TMCO1: variants seen among roughly 807,000 people sequenced by gnomAD.
The protein encoded by TMCO1 is transmembrane and coiled-coil domains 1, also known as calcium load-activated calcium channel.
A neutral mutation model predicts 29.3 loss-of-function variants in TMCO1; 29 were observed. The ratio of observed to expected loss-of-function variants is 0.99; its 90% CI spans 0.74 to 1.35. TMCO1 has a LOEUF of 1.35. Among genes scored for constraint, TMCO1 ranks in the 40% most tolerant of loss-of-function variants. The pLI, the probability that TMCO1 is intolerant of heterozygous loss-of-function variation, is 0.00. For missense variants in TMCO1, 173 were observed against 225.5 expected (o/e 0.77, Z 1.49); for synonymous variants, 80 against 77.1 (o/e 1.04, Z -0.20).
intron 6 of TMCO1, among the ~76,000 whole-genome samples, chr1:165,729,660 T>C (rs1651065475): frequency 6.6e-6 from 1 of 152,194 alleles, no homozygotes; most frequent in Non-Finnish European, 1.5e-5. Context: ...TTAGAGATCC[T>C]GATTATTCTT....
intron 1 of TMCO1, 133 bp from the exon 2 acceptor site, chr1:165,768,402 G>A: frequency 1.5e-5 from 22 of 1,495,284 alleles, no homozygotes; most frequent in Non-Finnish European, 1.8e-5. Context: ...TTTTTCAAAG[G>A]CTAATACAAC....
chr1:165,767,474 C>T (rs182146740), intron 2 of TMCO1, among the ~76,000 whole-genome samples: 10 of 152,316 alleles, frequency 6.6e-5, no homozygotes, highest in Admixed American at 3.9e-4. Context: ...GAAGACACCA[C>T]TTACCTTGAC....
chr1:165,766,448 A>C (rs571128803), intron 2 of TMCO1, among the ~76,000 whole-genome samples: 2 of 152,210 alleles, frequency 1.3e-5, no homozygotes, highest in Non-Finnish European at 2.9e-5. Context: ...GTCACTCCCA[A>C]CAACGGGAGG....
chr1:165,747,135 C>T (rs1307397624), intron 5 of TMCO1, among the ~76,000 whole-genome samples: 1 of 151,968 alleles, frequency 6.6e-6, no homozygotes, highest in Admixed American at 6.6e-5. Context: ...GTGATGCCTG[C>T]CTGTAATCCC....
intron 6 of TMCO1, among the ~76,000 whole-genome samples, chr1:165,734,591 C>T (rs1571211685): frequency 6.6e-6 from 1 of 152,128 alleles, no homozygotes; most frequent in Non-Finnish European, 1.5e-5. Context: ...GCAACCTCCA[C>T]CACCTCCTGA....
At chr1:165,746,594 T>C (rs1252223966) in intron 5 of TMCO1, among the ~76,000 whole-genome samples, 3 of 152,124 alleles carry the variant, frequency 2.0e-5, no homozygotes, top group South Asian at 4.1e-4. Context: ...GTGCTTATTA[T>C]ATTATTAACT....
chr1:165,761,575 A>G (rs1652406587), intron 2 of TMCO1, among the ~76,000 whole-genome samples: 1 of 151,962 alleles, frequency 6.6e-6, no homozygotes, highest in African/African-American at 2.4e-5. Context: ...GGAAAGAGAG[A>G]GAGAAAGATT....
chr1:165,760,946 A>T (rs1652377941), intron 2 of TMCO1, among the ~76,000 whole-genome samples: 1 of 152,198 alleles, frequency 6.6e-6, no homozygotes, highest in Non-Finnish European at 1.5e-5. Flanking sequence ...ATATTATCTT[A>T]GTATACTAAT....
Position 165,768,734 on chromosome 1 carries a change from C to G in TMCO1, c.18G>C (p.Ala6=), listed in dbSNP as rs1313492167. 1.2e-6 allele frequency: 2 copies of G among 1,614,140 alleles called. No individual in the cohort carries two copies. The highest frequency in any genetic ancestry group is 2.7e-5 in the African/African-American group (2 of 75,012). ...AGATAAAAACGATGAGGAGAGTGTC[C>G]GCGAACATAGTGCTCATCTCGCACC... MSTMF[A]DTLLIVFISV... The change falls in exon 1 of 7, where the codon GCG becomes GCC. Residue 6 remains alanine (A), a synonymous_variant. Coordinates refer to ENST00000367881, the MANE Select transcript of TMCO1 (RefSeq NM_019026.6).
chr1:165,768,901 G>T (rs745928907), upstream of TMCO1: 6 of 1,545,626 alleles, frequency 3.9e-6, no homozygotes, highest in Non-Finnish European at 4.4e-6. Flanking sequence ...CGCTTCCGGG[G>T]CATAGCACCG....
At chr1:165,746,941 T>A (rs953753591) in intron 5 of TMCO1, among the ~76,000 whole-genome samples, 2 of 152,090 alleles carry the variant, frequency 1.3e-5, no homozygotes, top group African/African-American at 4.8e-5. Flanking sequence ...TTCAGGAAGA[T>A]GTCCAATTAG....
chr1:165,732,193 T>TTA (rs1362331730), intron 6 of TMCO1, among the ~76,000 whole-genome samples: 1 of 152,046 alleles, frequency 6.6e-6, no homozygotes, highest in Non-Finnish European at 1.5e-5. Flanking sequence ...TCTACACACT[T>TTA]TAAAGTTTGC....
chr1:165,746,453 T>TCACACA (rs59467463), intron 5 of TMCO1, among the ~76,000 whole-genome samples: 10,581 of 132,284 alleles, frequency 0.08, 493 homozygotes, highest in African/African-American at 0.11. Context: ...AAGACCTATA[T>TCACACA]CACACACACA....
intron 3 of TMCO1, among the ~76,000 whole-genome samples, chr1:165,757,099 G>A (rs893987850): frequency 9.2e-5 from 14 of 152,072 alleles, no homozygotes; most frequent in African/African-American, 2.9e-4. Context: ...CACAGTGTCC[G>A]TAAGATAAAA....
At chr1:165,736,798 A>G (rs545827268) in intron 6 of TMCO1, among the ~76,000 whole-genome samples, 1 of 152,220 alleles carries the variant, frequency 6.6e-6, no homozygotes, top group African/African-American at 2.4e-5. Flanking sequence ...ATTAGCACAC[A>G]AGGTTTTTTT....
intron 6 of TMCO1, 34 bp from the exon 7 acceptor site, chr1:165,728,155 A>G (rs1414295310): frequency 6.5e-7 from 1 of 1,529,330 alleles, no homozygotes; most frequent in Admixed American, 1.7e-5. Context: ...TTGGGTTTTA[A>G]TATCAAATAT....
At position 165,727,683 on chromosome 1, in the gene TMCO1, G is replaced by T. The variant is rs1329335896; in HGVS notation, c.*340C>A. The T allele has an allele frequency of 4.4e-6, 2 of 454,136 alleles. No homozygotes were observed. The highest frequency in any genetic ancestry group is 4.7e-5 in the Admixed American group (2 of 42,470). The allele number at this position is 454,136 out of a possible 1,614,324, so 28.1% of individuals were successfully genotyped here. A position where few individuals can be genotyped will look rare whatever the true frequency, so the allele number is the denominator to read the frequency against. ...CTAAATCTCTAAATGCTCATAGACA[G>T]CCAACTTGCAGGGCATACACAGTGC... is the stretch of plus-strand genomic sequence containing the variant. On this transcript the variant is annotated 3_prime_UTR_variant, in exon 7 of 7. Coordinates refer to ENST00000367881, the MANE Select transcript of TMCO1 (RefSeq NM_019026.6).
At chr1:165,725,024 C>CTCTATATATA (rs1415499190), downstream of TMCO1, 1 of 90,746 alleles carries the variant, frequency 1.1e-5, no homozygotes, top group African/African-American at 6.6e-5. Flanking sequence ...CTCTCTCTCT[C>CTCTATATATA]TATATATATA....
At chr1:165,729,790 C>T (rs73020514) in intron 6 of TMCO1, among the ~76,000 whole-genome samples, 2,018 of 152,222 alleles carry the variant, frequency 0.013, 51 homozygotes, top group African/African-American at 0.047. Flanking sequence ...TGTTGTGTTT[C>T]GACCCTTAAT....
Sources: allele counts gnomAD v4.1 joint callset (sites outside exome capture counted in the v4.1 genomes callset), GRCh38; gene constraint gnomAD v4.1.1; transcripts MANE v1.5; gene names NCBI Gene and HGNC (gene_info 2026-07-23, HGNC 2026-07-21).